Variants in TPO observed in about 807,000 individuals in gnomAD.
TPO encodes the protein thyroid microsomal antigen.
In TPO, 78 loss-of-function variants were observed where a neutral mutation model predicts 96.9. The ratio of observed to expected loss-of-function variants is 0.81; its 90% CI spans 0.67 to 0.97. TPO has a LOEUF of 0.97. Among genes scored for constraint, TPO ranks in the 50% least tolerant of loss-of-function variants. The pLI is 0.00. For synonymous variants in TPO, 547 were observed against 538.0 expected (o/e 1.02, Z -0.23); for missense variants, 1,252 against 1,274.8 (o/e 0.98, Z 0.27).
chr2:1,423,453 A>G (rs919092871), intron 3 of TPO, among the ~76,000 whole-genome samples: 1 of 152,200 alleles, frequency 6.6e-6, no homozygotes, highest in Admixed American at 6.5e-5. Flanking sequence ...AAGGAGGAAA[A>G]GAGAGACCTA....
intron 15 of TPO, among the ~76,000 whole-genome samples, chr2:1,523,993 C>G (rs573301723): frequency 7.4e-5 from 6 of 81,120 alleles, no homozygotes; most frequent in African/African-American, 3.1e-4. Flanking sequence ...CCCCCCTACT[C>G]TCTGCAAACT....
In TPO at chr2:1,496,654, T is replaced by C; in HGVS notation, c.2275T>C (p.Ser759Pro). Residue 759 changes from serine to proline, a missense_variant, in exon 13 of 17, where the codon TCT becomes CCT. Ser to Pro is a moderately conservative substitution (Grantham distance 74). Coordinates refer to ENST00000329066, the MANE Select transcript of TPO (RefSeq NM_001206744.2). ...TGGGGACTTTGTGCACTGTGAGGAG[T>C]CTGGGAGGCGCGTGCTGGTGTATTC... The part of the protein sequence containing the change: ...ENGDFVHCEE[S>P]GRRVLVYSCR... 1 of 1,613,568 alleles carries C rather than the reference T, an allele frequency of 6.2e-7. No individual in the cohort carries two copies. Among genetic ancestry groups the C allele is most frequent in the South Asian group, 1.1e-5 (1 of 91,024 alleles).
At chr2:1,509,980 G>C (rs1673925992) in intron 14 of TPO, among the ~76,000 whole-genome samples, 1 of 152,022 alleles carries the variant, frequency 6.6e-6, no homozygotes, top group African/African-American at 2.4e-5. Flanking sequence ...TCTCGTTTCA[G>C]GGACACCACA....
chr2:1,500,977 A>AG (rs1672817762), intron 13 of TPO, among the ~76,000 whole-genome samples: 1 of 151,864 alleles, frequency 6.6e-6, no homozygotes, highest in South Asian at 2.1e-4. Context: ...CTCTCAAAAA[A>AG]AAAAAAAAAA....
rs770640893 is a variant in TPO, at chr2:1,377,755, C to T, written n.180+3353C>T. ...AGCGGCTGGCAGGGTGAGCTGCAGC[C>T]GCCCCTCTGTACCTGGTGCTATGTC... On this transcript the variant is annotated intron_variant and non_coding_transcript_variant, in intron 1 of 5. Coordinates refer to the TPO transcript ENST00000497517. Among the ~76,000 whole-genome samples the T allele has an allele frequency of 5.9e-5, 9 of 152,250 alleles. No homozygotes were observed. In the East Asian group the frequency reaches 1.2e-3, roughly 20 times the overall value.
intron 14 of TPO, 41 bp from the exon 15 acceptor site, chr2:1,516,842 C>T: frequency 6.2e-7 from 1 of 1,602,382 alleles, no homozygotes. Flanking sequence ...TTGCCCAGGC[C>T]CTGGAAGGTT....
chr2:1,408,093 C>T (rs531918217), intron 1 of TPO, among the ~76,000 whole-genome samples: 34 of 152,346 alleles, frequency 2.2e-4, no homozygotes, highest in Non-Finnish European at 5.0e-4. Flanking sequence ...GGCCTTCTGA[C>T]GCCAGAGTTA....
At chr2:1,528,974 C>A (rs1677315092) in intron 15 of TPO, among the ~76,000 whole-genome samples, 1 of 142,444 alleles carries the variant, frequency 7.0e-6, no homozygotes, top group South Asian at 2.4e-4. Flanking sequence ...AATCCCCCCA[C>A]TGTGAGTAAC....
chr2:1,537,376 G>A (rs1335919081), intron 15 of TPO, among the ~76,000 whole-genome samples: 1 of 115,612 alleles, frequency 8.6e-6, no homozygotes, highest in Non-Finnish European at 1.7e-5. Flanking sequence ...GCCCTACTGT[G>A]TGCAACTCCC....
intron 14 of TPO, among the ~76,000 whole-genome samples, chr2:1,505,631 AG>A (rs1673366035): frequency 6.6e-6 from 1 of 151,914 alleles, no homozygotes; most frequent in African/African-American, 2.4e-5. Context: ...CTAAAAAAAA[AG>A]TGATAAATGA....
At chr2:1,454,806 C>G (rs2148586773) in intron 6 of TPO, among the ~76,000 whole-genome samples, 1 of 152,346 alleles carries the variant, frequency 6.6e-6, no homozygotes, top group Non-Finnish European at 1.5e-5. Context: ...CATATTTGCT[C>G]AGAATTATTT....
At position 1,433,476 on chromosome 2, in the gene TPO, TTCTG is replaced by T. The variant is rs1665237129; in HGVS notation, c.222_225del (p.Ser75PhefsTer11). 5 of 1,614,096 alleles carry T rather than the reference TTCTG, an allele frequency of 3.1e-6. No homozygotes were observed. The highest frequency in any genetic ancestry group is 2.2e-5 in the East Asian group (1 of 44,896). On this transcript the variant is annotated frameshift_variant, in exon 4 of 17. Transcript: ENST00000329066. LOFTEE classifies it high-confidence loss of function. ...AGAGGAATCCTTTCTCCAGCTCAGC[TTCTG>T]TCTTTTTCCAAACTTCCTGAGCCAA...
intron 5 of TPO, among the ~76,000 whole-genome samples, chr2:1,450,617 C>G (rs1573237505): frequency 6.6e-6 from 1 of 152,312 alleles, no homozygotes; most frequent in East Asian, 1.9e-4. Flanking sequence ...AGGGACCCTT[C>G]TCAGTCCTGC....
intron 16 of TPO, chr2:1,542,193 G>A (rs1208611744): frequency 4.8e-6 from 3 of 628,850 alleles, no homozygotes; most frequent in Non-Finnish European, 8.4e-6. Flanking sequence ...CACTCTGTGA[G>A]TAGGAACCTT....
At chr2:1,427,479 G>A (rs981475677) in intron 3 of TPO, among the ~76,000 whole-genome samples, 3 of 152,184 alleles carry the variant, frequency 2.0e-5, no homozygotes, top group Non-Finnish European at 4.4e-5. Context: ...TGAGTGTGTG[G>A]GGGTGAGGGT....
intron 1 of TPO, among the ~76,000 whole-genome samples, chr2:1,404,050 T>A (rs1230833587): frequency 6.6e-6 from 1 of 152,178 alleles, no homozygotes; most frequent in African/African-American, 2.4e-5. Flanking sequence ...GAGCGGAGAA[T>A]CTAATGTACC....
upstream of TPO, among the ~76,000 whole-genome samples, chr2:1,410,085 T>G (rs947966825): frequency 9.9e-5 from 15 of 152,176 alleles, no homozygotes; most frequent in Admixed American, 9.8e-4. Flanking sequence ...GCTTGATGAC[T>G]ATTGTTTATT....
At chr2:1,503,773 T>G in intron 13 of TPO, 175 bp from the exon 14 acceptor site, 4 of 1,200,078 alleles carry the variant, frequency 3.3e-6, no homozygotes, top group Non-Finnish European at 4.8e-6. Flanking sequence ...CTGCTCCTCA[T>G]CACCTTTTCG....
At position 1,542,451 on chromosome 2, in the gene TPO, C is replaced by T. The variant is rs1169152541; in HGVS notation, c.2779C>T (p.His927Tyr). 1.2e-6 allele frequency: 2 copies of T among 1,614,208 alleles called. No homozygotes were observed. The highest frequency in any genetic ancestry group is 2.7e-5 in the African/African-American group (2 of 75,076). Reference sequence around the variant, plus strand: ...TGCTGGGATGGAAGGCCGGGATACTCACAGGCTGCCGAGAGCCCTCTGAGG... The same window carrying T: ...TGCTGGGATGGAAGGCCGGGATACTTACAGGCTGCCGAGAGCCCTCTGAGG... ...ESAGMEGRDT[H>Y]RLPRAL Residue 927 changes from histidine to tyrosine, a missense_variant, in exon 17 of 17, where the codon CAC becomes TAC. Transcript: ENST00000329066.
Sources: allele counts gnomAD v4.1 joint callset (sites outside exome capture counted in the v4.1 genomes callset), GRCh38; gene constraint gnomAD v4.1.1; transcripts MANE v1.5; gene names NCBI Gene and HGNC (gene_info 2026-07-23, HGNC 2026-07-21).